NRP1: variants seen among roughly 807,000 people sequenced by gnomAD.
NRP1 encodes the protein neuropilin-1.
In NRP1, 35 loss-of-function variants were observed where a neutral mutation model predicts 106.7. That is an observed-to-expected ratio of 0.33 (90% CI 0.25 to 0.43). The LOEUF is 0.43. Ranked by LOEUF, NRP1 falls within the 20% of genes least tolerant of loss-of-function variation. The pLI is 1.00. For synonymous variants in NRP1, 437 were observed against 417.9 expected (o/e 1.05, Z -0.56); for missense variants, 1,024 against 1,170.4 (o/e 0.87, Z 1.83).
At chr10:33,277,453 C>G (rs2133348983) in intron 2 of NRP1, among the ~76,000 whole-genome samples, 1 of 152,366 alleles carries the variant, frequency 6.6e-6, no homozygotes, top group South Asian at 2.1e-4. Context: ...TGGGCCTGAT[C>G]ACGGGCAGCC....
intron 3 of NRP1, among the ~76,000 whole-genome samples, chr10:33,265,124 C>T (rs974463016): frequency 9.3e-5 from 14 of 151,158 alleles, no homozygotes; most frequent in African/African-American, 3.4e-4. Context: ...AAAAAACAAA[C>T]AAACAAACAA....
intron 8 of NRP1, among the ~76,000 whole-genome samples, chr10:33,218,150 T>C (rs1258853024): frequency 6.6e-6 from 1 of 152,164 alleles, no homozygotes; most frequent in Non-Finnish European, 1.5e-5. Flanking sequence ...GTTCAGAGTG[T>C]GTTAAGCAGC....
At chr10:33,331,343 A>C (rs890828189) in intron 1 of NRP1, among the ~76,000 whole-genome samples, 5 of 152,172 alleles carry the variant, frequency 3.3e-5, no homozygotes, top group African/African-American at 1.2e-4. Context: ...GTCATTGATC[A>C]GTGGGGATTG....
intron 3 of NRP1, among the ~76,000 whole-genome samples, chr10:33,268,297 G>A (rs1288830789): frequency 1.3e-5 from 2 of 152,172 alleles, no homozygotes; most frequent in Non-Finnish European, 2.9e-5. Flanking sequence ...CTTCCTGCCT[G>A]TTTGAGAAGC....
intron 2 of NRP1, among the ~76,000 whole-genome samples, chr10:33,296,448 G>C (rs1271731380): frequency 6.6e-6 from 1 of 152,210 alleles, no homozygotes; most frequent in African/African-American, 2.4e-5. Context: ...CCTCAGAACA[G>C]ACCTATTCTT....
chr10:33,297,359 GA>G (rs1394076243), intron 2 of NRP1, among the ~76,000 whole-genome samples: 1 of 152,160 alleles, frequency 6.6e-6, no homozygotes, highest in African/African-American at 2.4e-5. Flanking sequence ...TGGGGCCTCT[GA>G]AAATTGTATT....
At chr10:33,183,690 C>T (rs896147117) in intron 15 of NRP1, among the ~76,000 whole-genome samples, 1 of 152,158 alleles carries the variant, frequency 6.6e-6, no homozygotes. Context: ...GTGTCTAGCA[C>T]ATCATAGGTG....
chr10:33,181,409 G>T (rs1381635474), intron 16 of NRP1, among the ~76,000 whole-genome samples: 1 of 152,156 alleles, frequency 6.6e-6, no homozygotes, highest in East Asian at 1.9e-4. Context: ...TAACAGCAAG[G>T]TGCAATATTT....
chr10:33,252,554 G>T (rs1841942054), intron 6 of NRP1, among the ~76,000 whole-genome samples: 1 of 152,024 alleles, frequency 6.6e-6, no homozygotes, highest in Non-Finnish European at 1.5e-5. Flanking sequence ...GAAGAAGCGA[G>T]CCACACCCCT....
intron 2 of NRP1, among the ~76,000 whole-genome samples, chr10:33,291,139 T>TGC (rs1358205552): frequency 1.3e-5 from 2 of 152,234 alleles, no homozygotes; most frequent in African/African-American, 4.8e-5. Context: ...TTTTAAAAGC[T>TGC]GCCTGCTTTT....
chr10:33,204,897 A>G (rs1041499135), intron 10 of NRP1, among the ~76,000 whole-genome samples: 2 of 151,902 alleles, frequency 1.3e-5, no homozygotes, highest in Non-Finnish European at 2.9e-5. Flanking sequence ...ACACCCAGCT[A>G]ATTTTTGTAT....
intron 2 of NRP1, among the ~76,000 whole-genome samples, chr10:33,276,071 A>C (rs1260812724): frequency 6.6e-6 from 1 of 152,222 alleles, no homozygotes; most frequent in Non-Finnish European, 1.5e-5. Context: ...GACGGAACTA[A>C]CTAGGCCAAG....
In NRP1 at chr10:33,310,080, T is replaced by A. The variant is rs564857286; in HGVS notation, c.248+20628A>T. On this transcript the variant is annotated intron_variant, in intron 2 of 16. Transcript: ENST00000374867. ...CTCCTGCCTCAGCCTCCTGAGTATC[T>A]GGGACTACAGACGCCCGCCACCACG... Among the ~76,000 whole-genome samples, 9 of 151,200 alleles carry A rather than the reference T, an allele frequency of 6.0e-5. No homozygotes were observed. In the South Asian group the frequency reaches 1.5e-3, roughly 25 times the overall value.
intron 13 of NRP1, among the ~76,000 whole-genome samples, chr10:33,188,445 G>T (rs1836165789): frequency 6.6e-6 from 1 of 152,010 alleles, no homozygotes; most frequent in South Asian, 2.1e-4. Context: ...TATTTCCAGT[G>T]CCCAACACAG....
chr10:33,263,683 G>T lies in NRP1; in HGVS notation c.621C>A (p.Arg207=). ...CATCCCAGATTTCTAGCCGGTCGTA[G>T]CGACAGAACATCCCCCCTGGAGGAT... The part of the protein sequence containing the change: ...DSNPPGGMFC[R]YDRLEIWDGF... Residue 207 remains arginine (R), a synonymous_variant, in exon 4 of 17, where the codon CGC becomes CGA. Transcript: ENST00000374867. 2 of 1,614,108 alleles carry T rather than the reference G, an allele frequency of 1.2e-6. No homozygotes were observed. The highest frequency in any genetic ancestry group is 2.2e-5 in the South Asian group (2 of 91,080).
intron 2 of NRP1, among the ~76,000 whole-genome samples, chr10:33,319,171 A>T (rs936510760): frequency 6.6e-6 from 1 of 150,988 alleles, no homozygotes; most frequent in African/African-American, 2.4e-5. Flanking sequence ...TGCCAGGCTA[A>T]TTTTTTTGTA....
intron 4 of NRP1, among the ~76,000 whole-genome samples, chr10:33,257,501 G>T (rs1203638562): frequency 3.9e-5 from 6 of 152,194 alleles, no homozygotes; most frequent in Non-Finnish European, 5.9e-5. Flanking sequence ...GCCAGGCGTG[G>T]TGGGCAGTGC....
Position 33,179,914 on chromosome 10 carries a change from G to T in NRP1, c.*162C>A, listed in dbSNP as rs1182056998. ...AGTCCGATGGTGAACACAGCTCCTT[G>T]TCCATGTCTGTCGGCCATACTCATT... On this transcript the variant is annotated 3_prime_UTR_variant, in exon 17 of 17. Coordinates refer to ENST00000374867, the MANE Select transcript of NRP1 (RefSeq NM_003873.7). 4.2e-6 allele frequency: 3 copies of T among 711,334 alleles called. No individual in the cohort carries two copies. The allele number at this position is 711,334 out of a possible 1,614,324, so 44.1% of individuals were successfully genotyped here. A position where few individuals can be genotyped will look rare whatever the true frequency, so the allele number is the denominator to read the frequency against.
intron 8 of NRP1, among the ~76,000 whole-genome samples, chr10:33,215,101 G>A (rs931667955): frequency 6.6e-6 from 1 of 152,150 alleles, no homozygotes; most frequent in African/African-American, 2.4e-5. Context: ...ATCAAAACTC[G>A]ATCTGGCATT....
Sources: allele counts gnomAD v4.1 joint callset (sites outside exome capture counted in the v4.1 genomes callset), GRCh38; gene constraint gnomAD v4.1.1; transcripts MANE v1.5; gene names NCBI Gene and HGNC (gene_info 2026-07-23, HGNC 2026-07-21).